SLCO4A1: variants seen among roughly 807,000 people sequenced by gnomAD.
The protein encoded by SLCO4A1 is solute carrier organic anion transporter family member 4A1.
Under a neutral mutation model 64.6 loss-of-function variants are expected in SLCO4A1, and 51 were observed. The observed-to-expected ratio is 0.79, with a 90% CI of 0.63 to 1.00. SLCO4A1 has a LOEUF of 1.00. SLCO4A1 is among the 50% of genes least tolerant of loss of function. The pLI is 0.00. For missense variants in SLCO4A1, 919 were observed against 980.5 expected, an observed-to-expected ratio of 0.94 and a Z score of 0.84; for synonymous variants, 471 against 444.9, an observed-to-expected ratio of 1.06 and a Z score of -0.74.
intron 1 of SLCO4A1, chr20:62,649,405 C>T (rs1460498353): frequency 6.6e-6 from 1 of 152,328 alleles, no homozygotes; most frequent in Non-Finnish European, 1.5e-5. Flanking sequence ...CAGAACGATG[C>T]TTGGCTAAAT....
intron 5 of SLCO4A1, among the ~76,000 whole-genome samples, chr20:62,662,649 T>TC (rs1210152289): frequency 1.3e-5 from 2 of 152,086 alleles, no homozygotes; most frequent in African/African-American, 2.4e-5. Context: ...TTTCAGAGAG[T>TC]CAGGGCCTCC....
At chr20:62,690,373 T>C (rs7271257), downstream of SLCO4A1, among the ~76,000 whole-genome samples, 47,092 of 152,012 alleles carry the variant, frequency 0.31, 7,548 homozygotes, top group Middle Eastern at 0.35. Context: ...AAGGTCACCA[T>C]AGGCTCTGAC....
At chr20:62,675,183 T>C (rs983375894), downstream of SLCO4A1, among the ~76,000 whole-genome samples, 2 of 152,082 alleles carry the variant, frequency 1.3e-5, no homozygotes, top group Admixed American at 1.3e-4. Context: ...GGAGGGCAGG[T>C]ATTCCAGGGA....
At chr20:62,658,020 A>G (rs1438036927) in intron 2 of SLCO4A1, among the ~76,000 whole-genome samples, 1 of 151,988 alleles carries the variant, frequency 6.6e-6, no homozygotes, top group Non-Finnish European at 1.5e-5. Context: ...CCCGTCCGAC[A>G]TGGCCGAGTT....
intron 4 of SLCO4A1, among the ~76,000 whole-genome samples, chr20:62,660,745 C>G (rs1222860450): frequency 6.6e-6 from 1 of 152,198 alleles, no homozygotes; most frequent in East Asian, 1.9e-4. Flanking sequence ...CCTGTGGCCT[C>G]CCCTCTGCCC....
At chr20:62,675,434 T>C (rs1987544657), downstream of SLCO4A1, among the ~76,000 whole-genome samples, 1 of 152,168 alleles carries the variant, frequency 6.6e-6, no homozygotes, top group Admixed American at 6.5e-5. Flanking sequence ...TCTTGAGCTC[T>C]GCTGCCCTCG....
At position 62,685,347 on chromosome 20, in the gene SLCO4A1, G is replaced by C. The variant is rs1162706046; in HGVS notation, n.212-94G>C. On this transcript the variant is annotated intron_variant and non_coding_transcript_variant, in intron 2 of 2. Coordinates refer to the SLCO4A1 transcript ENST00000466818. The surrounding 1 kb of genome is among the most constrained non-coding windows in gnomAD (Gnocchi z 4.6). Reference sequence around the variant, plus strand: ...CCCAGCTGGTCGGTGCCCAAGGGTGGGTTCGTGGGGCAACTGCACCCGCTC... The same window carrying C: ...CCCAGCTGGTCGGTGCCCAAGGGTGCGTTCGTGGGGCAACTGCACCCGCTC... The C allele has an allele frequency of 1.6e-6, 1 of 623,936 alleles. No individual in the cohort carries two copies. The highest frequency in any genetic ancestry group is 2.0e-6 in the Non-Finnish European group (1 of 499,892). The allele number at this position is 623,936 out of a possible 1,614,324, so 38.6% of individuals were successfully genotyped here. A position where few individuals can be genotyped will look rare whatever the true frequency, so the allele number is the denominator to read the frequency against.
At chr20:62,652,936 G>T (rs565169712) in intron 1 of SLCO4A1, among the ~76,000 whole-genome samples, 2 of 152,342 alleles carry the variant, frequency 1.3e-5, no homozygotes, top group African/African-American at 2.4e-5. Flanking sequence ...TGACGCAGAC[G>T]CTTGGCTCTG....
downstream of SLCO4A1, among the ~76,000 whole-genome samples, chr20:62,676,956 GTCAA>G (rs1236345632): frequency 6.6e-6 from 1 of 152,240 alleles, no homozygotes. Context: ...TTGCTTGGCC[GTCAA>G]TCAGAAAGAA....
chr20:62,657,128 G>A lies in SLCO4A1; in HGVS notation c.674G>A (p.Arg225His), dbSNP rs369877238. ...VCADSTSGLS[R>H]YQLVFMLGQF... Reference sequence around the variant, plus strand: ...GCGGACAGCACCTCGGGCCTGTCCCGCTACCAGCTGGTCTTCATGCTGGGC... The same window carrying A: ...GCGGACAGCACCTCGGGCCTGTCCCACTACCAGCTGGTCTTCATGCTGGGC... Residue 225 changes from arginine (R) to histidine (H), a missense_variant, in exon 2 of 12, where the codon CGC becomes CAC. Arg to His is a conservative substitution (Grantham distance 29, BLOSUM62 0). Transcript: ENST00000217159. The A allele has an allele frequency of 3.0e-5, 47 of 1,572,712 alleles. No individual in the cohort carries two copies. In the East Asian group the frequency reaches 3.8e-4, roughly 13 times the overall value.
At chr20:62,665,632 C>T (rs1289921744) in intron 6 of SLCO4A1, 1 of 154,100 alleles carries the variant, frequency 6.5e-6, no homozygotes. Flanking sequence ...CCAGGGTCCA[C>T]TATCTGGACA....
chr20:62,651,731 G>A (rs1982535274), intron 1 of SLCO4A1: 1 of 152,180 alleles, frequency 6.6e-6, no homozygotes, highest in African/African-American at 2.4e-5. Context: ...TTTCTCTGTG[G>A]CCATTGCTGG....
At chr20:62,648,186 G>T (rs1981744844) in intron 1 of SLCO4A1, among the ~76,000 whole-genome samples, 1 of 152,276 alleles carries the variant, frequency 6.6e-6, no homozygotes, top group Admixed American at 6.5e-5. Context: ...CGGGGTTGTT[G>T]TGGGTTAGAG....
At chr20:62,652,412 G>T (rs751392033) in intron 1 of SLCO4A1, among the ~76,000 whole-genome samples, 1 of 151,704 alleles carries the variant, frequency 6.6e-6, no homozygotes, top group Admixed American at 6.6e-5. Flanking sequence ...TTTCTGTTTC[G>T]GCGGCCGGCG....
downstream of SLCO4A1, among the ~76,000 whole-genome samples, chr20:62,673,257 A>G (rs772648174): frequency 1.5e-5 from 2 of 129,566 alleles, no homozygotes; most frequent in African/African-American, 6.1e-5. Flanking sequence ...GGAGTGCAGG[A>G]ACAGACCCTA....
At chr20:62,664,813 G>A in intron 5 of SLCO4A1, 121 bp from the exon 6 acceptor site, 1 of 1,126,066 alleles carries the variant, frequency 8.9e-7, no homozygotes, top group Non-Finnish European at 1.2e-6. Flanking sequence ...CTGACCCTCA[G>A]TCTCTTCTCC....
intron 3 of SLCO4A1, among the ~76,000 whole-genome samples, chr20:62,658,989 G>A (rs577868175): frequency 1.3e-5 from 2 of 152,378 alleles, no homozygotes; most frequent in African/African-American, 4.8e-5. Flanking sequence ...GGGCAGGCAG[G>A]CAGTGCCCGA....
chr20:62,666,332 C>G (rs1169870680), intron 6 of SLCO4A1, 48 bp from the exon 7 acceptor site: 1 of 1,565,282 alleles, frequency 6.4e-7, no homozygotes. Context: ...CCCTCTCCCA[C>G]CACGGCCCCC....
At chr20:62,672,954 C>T (rs574108554), downstream of SLCO4A1, among the ~76,000 whole-genome samples, 226 of 103,326 alleles carry the variant, frequency 2.2e-3, 18 homozygotes, top group African/African-American at 6.0e-3. Flanking sequence ...CCTCGCCCTC[C>T]GGTGCTCACA....
Sources: gnomAD v4.1 joint callset for allele counts (sites outside exome capture counted in the v4.1 genomes callset) on GRCh38, gnomAD v4.1.1 for gene constraint, Gnocchi (gnomAD v3.1) non-coding constraint, MANE v1.5 for transcripts, NCBI Gene and HGNC (gene_info 2026-07-23, HGNC 2026-07-21) for gene names.